ZNF567: variants seen among roughly 807,000 people sequenced by gnomAD.
ZNF567 encodes zinc finger protein 567.
Under a neutral mutation model 53.9 loss-of-function variants are expected in ZNF567, and 36 were observed. The ratio of observed to expected loss-of-function variants is 0.67; its 90% CI spans 0.51 to 0.88. The LOEUF is 0.88. Ranked by LOEUF, ZNF567 falls within the 40% of genes least tolerant of loss-of-function variation. The pLI, the probability that ZNF567 is intolerant of heterozygous loss-of-function variation, is 0.00. For missense variants in ZNF567, 619 were observed against 764.7 expected (o/e 0.81, Z 2.25); for synonymous variants, 224 against 260.4 (o/e 0.86, Z 1.35).
At chr19:36,687,795 T>C (rs3108189) in intron 1 of ZNF567, 161 bp downstream of exon 1, 102,541 of 152,600 alleles carry the variant, frequency 0.67, 34,784 homozygotes, top group East Asian at 0.82. Context: ...AGTCCGGGCC[T>C]CAGAGAAGGC....
At chr19:36,700,363 A>C (rs1163789483) in intron 3 of ZNF567, among the ~76,000 whole-genome samples, 1 of 150,006 alleles carries the variant, frequency 6.7e-6, no homozygotes, top group Non-Finnish European at 1.5e-5. Context: ...ATGTTCATCA[A>C]GGATATTGGT....
At chr19:36,701,414 A>G (rs1265714942) in intron 3 of ZNF567, among the ~76,000 whole-genome samples, 1 of 150,626 alleles carries the variant, frequency 6.6e-6, no homozygotes, top group East Asian at 2.0e-4. Flanking sequence ...TTTGGGGTGG[A>G]GAGTTCTGTA....
intron 1 of ZNF567, among the ~76,000 whole-genome samples, chr19:36,689,075 C>T (rs1428868237): frequency 4.0e-5 from 6 of 151,822 alleles, no homozygotes; most frequent in African/African-American, 1.5e-4. Context: ...CCAGCCTGGG[C>T]GACAGAACGA....
chr19:36,698,280 T>G (rs2038996566), intron 3 of ZNF567, among the ~76,000 whole-genome samples: 1 of 151,868 alleles, frequency 6.6e-6, no homozygotes, highest in Non-Finnish European at 1.5e-5. Flanking sequence ...CTGCATAGTA[T>G]TTCATGGTGT....
the ZNF567 span, among the ~76,000 whole-genome samples, chr19:36,679,744 A>G: frequency 2.6e-5 from 4 of 152,160 alleles, no homozygotes; most frequent in African/African-American, 7.2e-5. Context: ...CAAATACTGT[A>G]TGATCTCACT....
chr19:36,692,865 T>C (rs2038690780), intron 2 of ZNF567, among the ~76,000 whole-genome samples: 1 of 152,164 alleles, frequency 6.6e-6, no homozygotes, highest in Non-Finnish European at 1.5e-5. Flanking sequence ...GTGCCTATGG[T>C]GTCTGATTCC....
chr19:36,726,324 T>G (rs1328046264), downstream of ZNF567, among the ~76,000 whole-genome samples: 1 of 152,258 alleles, frequency 6.6e-6, no homozygotes, highest in Non-Finnish European at 1.5e-5. Context: ...TTATTGAATT[T>G]CCATTGAAAT....
At chr19:36,693,746 G>A (rs2038737923) in intron 2 of ZNF567, among the ~76,000 whole-genome samples, 1 of 152,130 alleles carries the variant, frequency 6.6e-6, no homozygotes, top group Non-Finnish European at 1.5e-5. Context: ...GCTCTACTTA[G>A]ATATATGAAG....
chr19:36,676,168 C>T, the ZNF567 span, among the ~76,000 whole-genome samples: 26 of 140,882 alleles, frequency 1.8e-4, no homozygotes, highest in African/African-American at 6.8e-4. Context: ...CTGGGTCAAG[C>T]GATTATCCTG....
At chr19:36,723,629 A>G (rs1375783123), downstream of ZNF567, among the ~76,000 whole-genome samples, 1 of 152,126 alleles carries the variant, frequency 6.6e-6, no homozygotes, top group Non-Finnish European at 1.5e-5. Flanking sequence ...TAAGGCCAGG[A>G]GTTTGAGACC....
intron 3 of ZNF567, among the ~76,000 whole-genome samples, chr19:36,710,504 T>G (rs2039727051): frequency 6.6e-6 from 1 of 152,134 alleles, no homozygotes; most frequent in African/African-American, 2.4e-5. Flanking sequence ...TTATTATTAT[T>G]TTTAGTAGGC....
At chr19:36,689,696 C>T (rs2038494102) in intron 2 of ZNF567, among the ~76,000 whole-genome samples, 199 bp downstream of exon 2, 1 of 152,064 alleles carries the variant, frequency 6.6e-6, no homozygotes. Flanking sequence ...CAGCCTCCAC[C>T]CATGGGGTCT....
intron 5 of ZNF567, among the ~76,000 whole-genome samples, chr19:36,717,090 G>A (rs893120722): frequency 6.6e-6 from 1 of 152,062 alleles, no homozygotes; most frequent in Non-Finnish European, 1.5e-5. Context: ...GCTTGCCAAA[G>A]TGCTGGGATT....
At chr19:36,726,464 A>T (rs1372561176), downstream of ZNF567, among the ~76,000 whole-genome samples, 1 of 152,124 alleles carries the variant, frequency 6.6e-6, no homozygotes, top group Non-Finnish European at 1.5e-5. Context: ...GAGAATCCAG[A>T]TTTCCCACTC....
chr19:36,676,600 G>T, the ZNF567 span, among the ~76,000 whole-genome samples: 2 of 152,148 alleles, frequency 1.3e-5, no homozygotes, highest in African/African-American at 4.8e-5. Context: ...TAGATTTGGA[G>T]TGTTTTTGTC....
the ZNF567 span, among the ~76,000 whole-genome samples, chr19:36,679,327 G>C: frequency 1.2e-4 from 18 of 152,258 alleles, no homozygotes; most frequent in African/African-American, 4.1e-4. Flanking sequence ...GCACCTGTTA[G>C]ACACCTGCTA....
chr19:36,705,301 TC>T (rs1438166289), intron 3 of ZNF567, among the ~76,000 whole-genome samples: 1 of 152,178 alleles, frequency 6.6e-6, no homozygotes, highest in Non-Finnish European at 1.5e-5. Context: ...TTAAGACATT[TC>T]TTTTTTTCTA....
chr19:36,716,130 T>G (rs1355535700), intron 5 of ZNF567, among the ~76,000 whole-genome samples: 1 of 152,210 alleles, frequency 6.6e-6, no homozygotes, highest in African/African-American at 2.4e-5. Flanking sequence ...TATCATTTAT[T>G]CTATGAAATG....
intron 3 of ZNF567, among the ~76,000 whole-genome samples, chr19:36,700,986 G>T (rs1472557255): frequency 2.0e-5 from 3 of 151,556 alleles, no homozygotes; most frequent in Non-Finnish European, 4.4e-5. Context: ...GTTTGCTCTT[G>T]CTTCTCTAGT....
Sources: allele counts gnomAD v4.1 joint callset (sites outside exome capture counted in the v4.1 genomes callset), GRCh38; gene constraint gnomAD v4.1.1; transcripts MANE v1.5; gene names NCBI Gene and HGNC (gene_info 2026-07-23, HGNC 2026-07-21).